The following TMEM232 variants were observed in gnomAD, a reference collection of about 807,000 sequenced individuals.
TMEM232 encodes transmembrane protein 232.
Under a neutral mutation model 78.8 loss-of-function variants are expected in TMEM232, and 80 were observed. The ratio of observed to expected loss-of-function variants is 1.01; its 90% CI spans 0.85 to 1.22. The LOEUF (loss-of-function observed/expected upper bound fraction) is 1.22, where lower values mean the gene tolerates loss of function less well. Among genes scored for constraint, TMEM232 ranks in the 50% most tolerant of loss-of-function variants. The pLI is 0.00. For synonymous variants in TMEM232, 297 were observed against 254.3 expected (o/e 1.17, Z -1.60); for missense variants, 881 against 742.2 (o/e 1.19, Z -2.17).
intron 2 of TMEM232, among the ~76,000 whole-genome samples, chr5:110,653,195 T>A (rs1008620272): frequency 2.0e-5 from 3 of 152,192 alleles, no homozygotes; most frequent in Non-Finnish European, 2.9e-5. Flanking sequence ...TAAGGAGATG[T>A]TCCTTAAAAA....
At chr5:110,473,552 T>C (rs901652300) in intron 12 of TMEM232, among the ~76,000 whole-genome samples, 1 of 151,180 alleles carries the variant, frequency 6.6e-6, no homozygotes, top group African/African-American at 2.4e-5. Context: ...AATAAATGTA[T>C]ACACCTACTA....
At chr5:110,402,315 A>G (rs577767217) in intron 2 of TMEM232, among the ~76,000 whole-genome samples, 41 of 152,196 alleles carry the variant, frequency 2.7e-4, no homozygotes, top group African/African-American at 8.4e-4. Flanking sequence ...AATCTTTTAC[A>G]TCTTGCTGCA....
At chr5:110,608,994 TG>T (rs1298077526) in intron 8 of TMEM232, among the ~76,000 whole-genome samples, 2 of 152,122 alleles carry the variant, frequency 1.3e-5, no homozygotes, top group African/African-American at 4.8e-5. Flanking sequence ...AGAGTTTTAC[TG>T]GCTTGTCTAA....
chr5:110,417,610 TTC>T (rs1254906576), downstream of TMEM232: 7 of 140,346 alleles, frequency 5.0e-5, no homozygotes, highest in African/African-American at 1.7e-4. Flanking sequence ...TCAAACTTTT[TTC>T]TTTTTCTTTT....
intron 12 of TMEM232, among the ~76,000 whole-genome samples, chr5:110,484,573 G>A (rs1199800624): frequency 2.6e-5 from 4 of 151,872 alleles, no homozygotes; most frequent in African/African-American, 4.8e-5. Context: ...TGCTATTAAC[G>A]AGACACACTG....
rs189646108 is a variant in TMEM232 at position 110,601,065 on chromosome 5, T to C, written c.1276+4044A>G. 7.9e-5 allele frequency among the ~76,000 whole-genome samples: 12 copies of C among 152,330 alleles called. No homozygotes were observed. The East Asian group carries it at 2.1e-3, about 27-fold the overall frequency. ...GAACCAATGACAAAAGCCACATGATTATCTCAATAGATGCAGAAAAGGCCT... is the reference window on the plus strand; with the variant it reads ...GAACCAATGACAAAAGCCACATGATCATCTCAATAGATGCAGAAAAGGCCT... On this transcript the variant is annotated intron_variant, in intron 10 of 13. Coordinates refer to ENST00000455884, the MANE Select transcript of TMEM232 (RefSeq NM_001039763.4).
At position 110,633,565 on chromosome 5, in the gene TMEM232, G is replaced by A. The variant is rs148359148; in HGVS notation, c.501+4633C>T. Reference sequence around the variant, plus strand: ...TTCCCCATGCTCTTCTGGTGATAATGAGTGAGTTCTCATGACATCTGATGG... The same window carrying A: ...TTCCCCATGCTCTTCTGGTGATAATAAGTGAGTTCTCATGACATCTGATGG... On this transcript the variant is annotated intron_variant, in intron 5 of 13. Coordinates refer to ENST00000455884, the MANE Select transcript of TMEM232 (RefSeq NM_001039763.4). Among the ~76,000 whole-genome samples the A allele has an allele frequency of 5.9e-5, 9 of 152,220 alleles. No homozygotes were observed. The East Asian group carries it at 1.7e-3, about 29-fold the overall frequency.
chr5:110,483,779 C>T (rs1443583630), intron 12 of TMEM232, among the ~76,000 whole-genome samples: 1 of 151,992 alleles, frequency 6.6e-6, no homozygotes, highest in African/African-American at 2.4e-5. Flanking sequence ...ACAGAACTCC[C>T]ATTTGACCCA....
At chr5:110,511,841 G>GAT (rs995957663) in intron 12 of TMEM232, among the ~76,000 whole-genome samples, 16 of 152,054 alleles carry the variant, frequency 1.1e-4, no homozygotes, top group Admixed American at 2.6e-4. Flanking sequence ...CGGTTCCTAA[G>GAT]ATAAAATGGA....
In TMEM232 at chr5:110,622,274, C is replaced by A. The variant is rs191638555; in HGVS notation, c.768+2993G>T. 6.6e-5 allele frequency among the ~76,000 whole-genome samples: 10 copies of A among 152,256 alleles called. No homozygotes were observed. The East Asian group carries it at 1.7e-3, about 26-fold the overall frequency. ...CAAAAAGTATTACAGAATGAGATTG[C>A]TAATCATACTAGAATGTAAACTCTG... is the stretch of plus-strand genomic sequence containing the variant. On this transcript the variant is annotated intron_variant, in intron 7 of 13. Transcript: ENST00000455884.
At chr5:110,533,987 G>A (rs1290105621) in intron 11 of TMEM232, among the ~76,000 whole-genome samples, 2 of 151,998 alleles carry the variant, frequency 1.3e-5, no homozygotes, top group Non-Finnish European at 2.9e-5. Context: ...ACTTCTCAAG[G>A]ATTATTGAGG....
In TMEM232 at chr5:110,420,528, G is replaced by T; in HGVS notation, c.*52C>A. 1 of 1,129,674 alleles carries T rather than the reference G, an allele frequency of 8.9e-7. No individual in the cohort carries two copies. The highest frequency in any genetic ancestry group is 1.2e-6 in the Non-Finnish European group (1 of 849,276). The allele number at this position is 1,129,674 out of a possible 1,614,324, so 70.0% of individuals were successfully genotyped here. On this transcript the variant is annotated 3_prime_UTR_variant, in exon 14 of 14. Transcript: ENST00000455884. ...GCTATCTTGGTATTTTTCATCCTAT[G>T]TATTTCTGCCATGTAGTCCTCAATT... is the stretch of plus-strand genomic sequence containing the variant.
intron 12 of TMEM232, among the ~76,000 whole-genome samples, chr5:110,499,514 C>G (rs1191637261): frequency 6.6e-6 from 1 of 151,924 alleles, no homozygotes; most frequent in East Asian, 1.9e-4. Flanking sequence ...CCTCAGCCTT[C>G]CAAAGTGCCA....
rs147403307 is a variant in TMEM232 at position 110,691,530 on chromosome 5, G to T, written c.-12-24166C>A. On this transcript the variant is annotated intron_variant, in intron 1 of 13. Coordinates refer to ENST00000455884, the MANE Select transcript of TMEM232 (RefSeq NM_001039763.4). ...AAAATGGAAATAAAATTCTAAAAGT[G>T]GGCCAAGATGGCTTCAGGTTAGCCA... 5.6e-3 allele frequency among the ~76,000 whole-genome samples: 858 copies of T among 152,258 alleles called. 14 individuals carry two copies. Among genetic ancestry groups the T allele is most frequent in the African/African-American group, 0.02 (838 of 41,546 alleles).
chr5:110,513,896 T>A (rs934321904), intron 12 of TMEM232: 3 of 170,260 alleles, frequency 1.8e-5, no homozygotes, highest in Non-Finnish European at 4.4e-5. Context: ...AAATTGCAAT[T>A]AGGTTTGCAC....
intron 11 of TMEM232, among the ~76,000 whole-genome samples, chr5:110,546,949 A>T (rs1401481933): frequency 1.3e-5 from 2 of 151,798 alleles, no homozygotes; most frequent in Admixed American, 6.6e-5. Flanking sequence ...TGTTGCCACG[A>T]TACTACCAAA....
chr5:110,426,915 T>C (rs1044544632), intron 12 of TMEM232, among the ~76,000 whole-genome samples: 2 of 151,998 alleles, frequency 1.3e-5, no homozygotes, highest in Non-Finnish European at 2.9e-5. Flanking sequence ...TTCAAGCAAA[T>C]TGCCTAAAAT....
At chr5:110,528,034 G>A (rs983929375) in intron 12 of TMEM232, among the ~76,000 whole-genome samples, 1 of 151,794 alleles carries the variant, frequency 6.6e-6, no homozygotes, top group African/African-American at 2.4e-5. Context: ...GTAACAGGGA[G>A]CCTAAGAATC....
In TMEM232 at chr5:110,585,073, C is replaced by A. The variant is rs189445342; in HGVS notation, c.1277-16448G>T. On this transcript the variant is annotated intron_variant, in intron 10 of 13. Transcript: ENST00000455884. ...GGAATACTTTGTATTGTTTATTCTT[C>A]AAATATGTAAGGACGATTCCCATAA... 6.6e-3 allele frequency among the ~76,000 whole-genome samples: 1,005 copies of A among 152,138 alleles called. 6 individuals carry two copies. The highest frequency in any genetic ancestry group is 9.3e-3 in the Non-Finnish European group (632 of 67,988).
Sources: allele counts gnomAD v4.1 joint callset (sites outside exome capture counted in the v4.1 genomes callset), GRCh38; gene constraint gnomAD v4.1.1; transcripts MANE v1.5; gene names NCBI Gene and HGNC (gene_info 2026-07-23, HGNC 2026-07-21).